Variants in PSMB2 observed in about 807,000 individuals in gnomAD.
The protein encoded by PSMB2 is proteasome 20S subunit beta 2, also known as proteasome subunit beta type-2.
In PSMB2, 13 loss-of-function variants were observed where a neutral mutation model predicts 25.7. The ratio of observed to expected loss-of-function variants is 0.51; its 90% CI spans 0.33 to 0.80. The LOEUF (loss-of-function observed/expected upper bound fraction) is 0.80. Among genes scored for constraint, PSMB2 ranks in the 30% least tolerant of loss-of-function variants. PSMB2 has a pLI of 0.02. For synonymous variants in PSMB2, 87 were observed against 96.2 expected, an observed-to-expected ratio of 0.90 and a Z score of 0.56; for missense variants, 202 against 259.0, an observed-to-expected ratio of 0.78 and a Z score of 1.51.
chr1:35,633,040 C>T (rs907201756), intron 2 of PSMB2, among the ~76,000 whole-genome samples: 3 of 151,900 alleles, frequency 2.0e-5, no homozygotes, highest in East Asian at 1.9e-4. Flanking sequence ...GCCACCATAG[C>T]GAAACTCTGT....
At chr1:35,638,386 A>G (rs371018623) in intron 1 of PSMB2, among the ~76,000 whole-genome samples, 37 of 152,340 alleles carry the variant, frequency 2.4e-4, no homozygotes, top group African/African-American at 7.9e-4. Context: ...CATACTGTGG[A>G]AAACCAACTG....
chr1:35,633,421 T>C (rs1651157348), intron 2 of PSMB2, among the ~76,000 whole-genome samples: 1 of 152,222 alleles, frequency 6.6e-6, no homozygotes, highest in Admixed American at 6.5e-5. Flanking sequence ...AATTACTATA[T>C]AGAGTTACAT....
chr1:35,627,460 A>G (rs1650900048), intron 3 of PSMB2, among the ~76,000 whole-genome samples: 2 of 151,978 alleles, frequency 1.3e-5, no homozygotes, highest in Non-Finnish European at 2.9e-5. Context: ...GTTCGGGACC[A>G]GCCTGGCAAC....
intron 3 of PSMB2, among the ~76,000 whole-genome samples, chr1:35,615,649 C>T (rs1216400505): frequency 2.0e-5 from 3 of 152,100 alleles, no homozygotes; most frequent in Non-Finnish European, 2.9e-5. Flanking sequence ...GAGAGGTGGG[C>T]GTGAGGAAGC....
At chr1:35,632,069 A>G (rs1651122131) in intron 2 of PSMB2, among the ~76,000 whole-genome samples, 1 of 152,192 alleles carries the variant, frequency 6.6e-6, no homozygotes, top group African/African-American at 2.4e-5. Context: ...AGAGGCTAGA[A>G]GTTAGGACTA....
chr1:35,634,162 G>C (rs927172498), intron 2 of PSMB2, among the ~76,000 whole-genome samples: 1 of 152,194 alleles, frequency 6.6e-6, no homozygotes, highest in Non-Finnish European at 1.5e-5. Flanking sequence ...ACCTACCAGA[G>C]AGTAAGGCAG....
intron 2 of PSMB2, among the ~76,000 whole-genome samples, chr1:35,635,848 A>G (rs923607158): frequency 4.0e-5 from 6 of 151,624 alleles, no homozygotes; most frequent in South Asian, 4.1e-4. Context: ...AAAAAAAAAA[A>G]AAAAGAAAAT....
intron 4 of PSMB2, among the ~76,000 whole-genome samples, chr1:35,608,103 G>A (rs577433691): frequency 3.3e-5 from 5 of 152,316 alleles, no homozygotes; most frequent in South Asian, 4.1e-4. Context: ...GGTGGCTCAC[G>A]CCTGTAATCC....
In PSMB2 at chr1:35,601,316, C is replaced by T. The variant is rs1201975352; in HGVS notation, c.*1951G>A. The stretch of plus-strand genomic sequence containing the variant: ...GAACTCCTGACCTCAGGTGATCCGC[C>T]CGCCTCGGCGGGCGGCCAAAGTGCT... On this transcript the variant is annotated 3_prime_UTR_variant, in exon 6 of 6. Coordinates refer to ENST00000373237, the MANE Select transcript of PSMB2 (RefSeq NM_002794.5). 1.1e-6 allele frequency: 1 copy of T among 942,916 alleles called. No individual in the cohort carries two copies. Among genetic ancestry groups the T allele is most frequent in the Non-Finnish European group, 1.3e-6 (1 of 791,678 alleles). 58.4% of individuals were successfully genotyped at this position (942,916 alleles called of 1,614,324 possible). A position where few individuals can be genotyped will look rare whatever the true frequency, so the allele number is the denominator to read the frequency against.
chr1:35,619,225 T>C (rs1280106461), intron 3 of PSMB2, among the ~76,000 whole-genome samples: 1 of 152,240 alleles, frequency 6.6e-6, no homozygotes, highest in Non-Finnish European at 1.5e-5. Flanking sequence ...TGGTAAAAAC[T>C]CATATAACGG....
rs776536029 is a variant in PSMB2, at chr1:35,631,275, C to T, written c.284G>A (p.Arg95Gln). ...RRNLADCLRSRTPYHVNLLLA... is the reference protein window; with the variant it reads ...RRNLADCLRSQTPYHVNLLLA... ...AACAATGTCTGATATATTACTTACCCGACTCCGAAGACAGTCAGCCAGGTT... is the reference window on the plus strand; with the variant it reads ...AACAATGTCTGATATATTACTTACCTGACTCCGAAGACAGTCAGCCAGGTT... Residue 95 changes from arginine to glutamine, a missense_variant and splice_region_variant, in exon 3 of 6, where the codon CGG becomes CAG. Arg to Gln is a conservative substitution (Grantham distance 43). Transcript: ENST00000373237. 4 of 1,613,448 alleles carry T rather than the reference C, an allele frequency of 2.5e-6. No individual in the cohort carries two copies. The highest frequency in any genetic ancestry group is 3.3e-5 in the Admixed American group (2 of 60,014).
chr1:35,631,127 C>T, intron 3 of PSMB2, 147 bp downstream of exon 3: 2 of 702,132 alleles, frequency 2.8e-6, no homozygotes, highest in Non-Finnish European at 4.9e-6. Context: ...TGCACAAAGA[C>T]ATTGGACTTA....
Position 35,636,435 on chromosome 1 carries a change from G to T in PSMB2, c.92-3C>A. The T allele has an allele frequency of 1.2e-6, 2 of 1,611,772 alleles. No homozygotes were observed. Among genetic ancestry groups the T allele is most frequent in the Non-Finnish European group, 1.7e-6 (2 of 1,179,066 alleles). On this transcript the variant is annotated splice_polypyrimidine_tract_variant and splice_region_variant and intron_variant, in intron 1 of 5. Transcript: ENST00000373237. ...CATCTTAAACATCTTGTCATGATCT[G>T]CTCAAAGAAGAAAACTGTGTTAGAA... is the stretch of plus-strand genomic sequence containing the variant.
chr1:35,632,659 G>T (rs1411006631), intron 2 of PSMB2, among the ~76,000 whole-genome samples: 1 of 151,984 alleles, frequency 6.6e-6, no homozygotes, highest in African/African-American at 2.4e-5. Flanking sequence ...TTTGGGAAGC[G>T]GAGGCAGGCA....
intron 3 of PSMB2, among the ~76,000 whole-genome samples, chr1:35,618,900 G>A (rs1650584718): frequency 6.6e-6 from 1 of 152,038 alleles, no homozygotes; most frequent in Admixed American, 6.5e-5. Context: ...TTTATTTTTT[G>A]TAGCACTAAA....
At chr1:35,628,558 T>C (rs1650946980) in intron 3 of PSMB2, among the ~76,000 whole-genome samples, 1 of 109,708 alleles carries the variant, frequency 9.1e-6, no homozygotes, top group Non-Finnish European at 1.7e-5. Flanking sequence ...GACCACTTGG[T>C]GACAATGACT....
Position 35,601,704 on chromosome 1 carries a change from T to C in PSMB2, c.*1563A>G, listed in dbSNP as rs980872729. 8 of 985,342 alleles carry C rather than the reference T, an allele frequency of 8.1e-6. No individual in the cohort carries two copies. The highest frequency in any genetic ancestry group is 1.7e-5 in the African/African-American group (1 of 57,246). 61.0% of individuals were successfully genotyped at this position (985,342 alleles called of 1,614,324 possible). The stretch of plus-strand genomic sequence containing the variant: ...ATATGATATTAAGAGGAGCACAGAA[T>C]TGGATAAAGTAGGGTTTATCTTAGT... On this transcript the variant is annotated 3_prime_UTR_variant, in exon 6 of 6. Transcript: ENST00000373237.
In PSMB2 at chr1:35,609,363, C is replaced by A; in HGVS notation, c.331G>T (p.Glu111Ter). ...TCCATGTAATACAGCGCTGGCCCTT[C>A]ATGCTCATCATAGCCAGCCAGGAGG... Reference protein sequence around the residue: ...NLLLAGYDEHEGPALYYMDYL... With the variant: ...NLLLAGYDEH Residue 111 changes from glutamate to a stop codon, truncating the protein, a stop_gained, in exon 4 of 6, where the codon GAA becomes TAA. Coordinates refer to ENST00000373237, the MANE Select transcript of PSMB2 (RefSeq NM_002794.5). LOFTEE classifies it high-confidence loss of function. The A allele has an allele frequency of 6.2e-7, 1 of 1,605,250 alleles. No homozygotes were observed. The highest frequency in any genetic ancestry group is 1.1e-5 in the South Asian group (1 of 89,884).
At chr1:35,639,428 T>C (rs967410979) in intron 1 of PSMB2, among the ~76,000 whole-genome samples, 35 of 152,238 alleles carry the variant, frequency 2.3e-4, no homozygotes, top group African/African-American at 8.2e-4. Context: ...ACCATAGTTA[T>C]CTTTCTTTTA....
Sources: gnomAD v4.1 joint callset for allele counts (sites outside exome capture counted in the v4.1 genomes callset) on GRCh38, gnomAD v4.1.1 for gene constraint, MANE v1.5 for transcripts, NCBI Gene and HGNC (gene_info 2026-07-23, HGNC 2026-07-21) for gene names.